Variants in KIAA1210 observed in about 807,000 individuals in gnomAD.
The protein encoded by KIAA1210 is acrosomal protein KIAA1210.
A neutral mutation model predicts 78.9 loss-of-function variants in KIAA1210; 48 were observed. The ratio of observed to expected loss-of-function variants is 0.61; its 90% CI spans 0.48 to 0.77. KIAA1210 has a LOEUF of 0.77. Ranked by LOEUF, KIAA1210 falls within the 30% of genes least tolerant of loss-of-function variation. The pLI is 0.00. For missense variants in KIAA1210, 1,108 were observed against 1,100.0 expected (o/e 1.01, Z -0.10); for synonymous variants, 406 against 404.5 (o/e 1.00, Z -0.04).
At chrX:119,093,043 A>G (rs1044474824) in intron 8 of KIAA1210, among the ~76,000 whole-genome samples, 4 of 111,517 alleles carry the variant, frequency 3.6e-5, no homozygotes, top group Non-Finnish European at 7.5e-5. Flanking sequence ...ACTGGAGCCA[A>G]CATCCACATA....
intron 6 of KIAA1210, among the ~76,000 whole-genome samples, chrX:119,100,457 G>C (rs1057011249): frequency 1.8e-5 from 2 of 109,988 alleles, no homozygotes; most frequent in African/African-American, 3.3e-5. Context: ...GAGAAAGTGG[G>C]ACACCTTTCT....
chrX:119,112,475 TA>T (rs1156472045), intron 3 of KIAA1210, among the ~76,000 whole-genome samples: 1 of 110,673 alleles, frequency 9.0e-6, no homozygotes, highest in African/African-American at 3.3e-5. Context: ...AATTAGAAAA[TA>T]AAAAAAGATG....
chrX:119,127,014 C>T (rs570013747), intron 1 of KIAA1210, among the ~76,000 whole-genome samples: 3 of 109,278 alleles, frequency 2.7e-5, no homozygotes, highest in African/African-American at 6.7e-5. Flanking sequence ...GTCGAGGGTA[C>T]AGTGAGCCAA....
intron 6 of KIAA1210, among the ~76,000 whole-genome samples, chrX:119,099,102 CG>C: frequency 1.8e-5 from 2 of 112,307 alleles, no homozygotes; most frequent in Non-Finnish European, 3.8e-5. Flanking sequence ...AAAAGAACAC[CG>C]TACAACTTGC....
At chrX:119,150,195 T>C (rs1929259668) in intron 1 of KIAA1210, 3 of 928,309 alleles carry the variant, frequency 3.2e-6, no homozygotes, top group East Asian at 6.7e-5. Flanking sequence ...CTGTCTGTTA[T>C]ATAAACATCA....
intron 8 of KIAA1210, among the ~76,000 whole-genome samples, chrX:119,090,538 G>A (rs752468981): frequency 9.1e-6 from 1 of 109,299 alleles, no homozygotes; most frequent in African/African-American, 3.4e-5. Flanking sequence ...CCAAAGTGCT[G>A]GGATTACAGG....
At position 119,119,763 on chromosome X, in the gene KIAA1210, T is replaced by C. The variant is rs1928387383; in HGVS notation, c.62-3099A>G. Among the ~76,000 whole-genome samples the C allele has an allele frequency of 4.6e-5, 5 of 108,583 alleles. No individual in the cohort carries two copies. The South Asian group carries it at 2.0e-3, about 43-fold the overall frequency. The allele number at this position is 108,583 out of a possible 115,157, so 94.3% of individuals were successfully genotyped here. On this transcript the variant is annotated intron_variant, in intron 2 of 11. Transcript: ENST00000691062. ...AGGCCGAGGCGGGCGGATCACGAGG[T>C]CAGGAGGTGGAGACCATTCTGGCTA...
At chrX:119,097,284 G>A (rs1180983343) in intron 6 of KIAA1210, among the ~76,000 whole-genome samples, 1 of 111,572 alleles carries the variant, frequency 9.0e-6, no homozygotes, top group Non-Finnish European at 1.9e-5. Context: ...TAGTGATGGA[G>A]CCTGTAACCC....
chrX:119,096,801 C>T, intron 6 of KIAA1210, 110 bp from the exon 7 acceptor site: 2 of 525,831 alleles, frequency 3.8e-6, no homozygotes, highest in Non-Finnish European at 6.0e-6. Flanking sequence ...CCTTCATGAA[C>T]TATTGTCCCC....
At chrX:119,150,582 C>T, upstream of KIAA1210, 1 of 1,200,352 alleles carries the variant, frequency 8.3e-7, no homozygotes, top group Admixed American at 2.2e-5. Flanking sequence ...GCCCTCATTT[C>T]CCCGCGTAGA....
intron 1 of KIAA1210, chrX:119,150,230 G>C (rs780584612): frequency 1.2e-4 from 128 of 1,101,428 alleles, no homozygotes; most frequent in Middle Eastern, 2.6e-4. Context: ...TCCCTTCTCA[G>C]ACTTGAGTCA....
At chrX:119,092,285 T>A (rs1490073257) in intron 8 of KIAA1210, among the ~76,000 whole-genome samples, 1 of 111,483 alleles carries the variant, frequency 9.0e-6, no homozygotes, top group East Asian at 2.8e-4. Flanking sequence ...TGTGCCTTTC[T>A]TCCCTCACTA....
chrX:119,103,379 C>A (rs1406465809), intron 6 of KIAA1210, among the ~76,000 whole-genome samples: 2 of 111,667 alleles, frequency 1.8e-5, no homozygotes, highest in Non-Finnish European at 3.8e-5. Flanking sequence ...AAATCAAAAC[C>A]ACAATGAGAT....
chrX:119,113,224 T>C (rs1326704006), intron 3 of KIAA1210, among the ~76,000 whole-genome samples: 1 of 111,293 alleles, frequency 9.0e-6, no homozygotes, highest in Non-Finnish European at 1.9e-5. Flanking sequence ...TACAGGAGTT[T>C]ATTTTTGAGG....
rs201563815 is a variant in KIAA1210, at chrX:119,087,808, C to T, written c.2894G>A (p.Arg965Gln). The T allele has an allele frequency of 5.0e-4, 600 of 1,209,900 alleles. 5 individuals carry two copies. In the African/African-American group the frequency reaches 7.6e-3, roughly 15 times the overall value. The change falls in exon 9 of 12, where the codon CGG becomes CAG. Residue 965 changes from arginine (R) to glutamine (Q), a missense_variant. Coordinates refer to ENST00000691062, the MANE Select transcript of KIAA1210 (RefSeq NM_001394962.1). ...AGAAATGTCTGCCTCAATAGCAGCC[C>T]GCTCGAAATTTGAGGACAGTTGCTG... ...KVQQLSSNFE[R>Q]AAIEADISGS...
At chrX:119,105,262 A>G in intron 5 of KIAA1210, 115 bp from the exon 6 acceptor site, 1 of 747,004 alleles carries the variant, frequency 1.3e-6, no homozygotes, top group East Asian at 3.6e-5. Context: ...TTGAAGGACT[A>G]AGAATCCAAA....
At chrX:119,110,360 C>A (rs1928032415) in intron 3 of KIAA1210, among the ~76,000 whole-genome samples, 1 of 112,040 alleles carries the variant, frequency 8.9e-6, no homozygotes, top group Non-Finnish European at 1.9e-5. Context: ...CTGTGACAAA[C>A]CACGGCTAAC....
rs73592465 is a variant in KIAA1210 at position 119,097,446 on chromosome X, A to G, written c.649-755T>C. ...AAAGAGCCTCCCCAGAGCTCTTTCC[A>G]TTTCTAAGAAGATTTCGATTTCTGT... On this transcript the variant is annotated intron_variant, in intron 6 of 11. Transcript: ENST00000691062. 4.0e-3 allele frequency among the ~76,000 whole-genome samples: 442 copies of G among 111,631 alleles called. 1 individual carries two copies. Among genetic ancestry groups the G allele is most frequent in the African/African-American group, 0.013 (414 of 30,722 alleles).
intron 6 of KIAA1210, 33 bp downstream of exon 6, chrX:119,104,959 G>A (rs771261215): frequency 4.3e-6 from 5 of 1,169,609 alleles, no homozygotes; most frequent in African/African-American, 1.8e-5. Flanking sequence ...TGATCTGTGA[G>A]GCCCCTCAAC....
Sources: allele counts gnomAD v4.1 joint callset (sites outside exome capture counted in the v4.1 genomes callset), GRCh38; gene constraint gnomAD v4.1.1; transcripts MANE v1.5; gene names NCBI Gene and HGNC (gene_info 2026-07-23, HGNC 2026-07-21).